Variants in BICD1 observed in about 807,000 individuals in gnomAD.
The protein encoded by BICD1 is BICD cargo adaptor 1.
A neutral mutation model predicts 92.5 loss-of-function variants in BICD1; 35 were observed. That is an observed-to-expected ratio of 0.38 (90% confidence interval 0.29 to 0.50). The LOEUF is 0.50. Among genes scored for constraint, BICD1 ranks in the 20% least tolerant of loss-of-function variants. The pLI is 0.93. For synonymous variants in BICD1, 429 were observed against 465.1 expected (o/e 0.92, Z 1.00); for missense variants, 950 against 1,189.8 (o/e 0.80, Z 2.97).
intron 1 of BICD1, chr12:32,109,283 A>G (rs943594425): frequency 1.3e-5 from 2 of 152,238 alleles, no homozygotes; most frequent in Non-Finnish European, 2.9e-5. Flanking sequence ...GAAATATTTT[A>G]TGAAAGAATC....
At chr12:32,135,386 CTTTTTTTTTTTTTTTTT>C (rs71064999) in intron 1 of BICD1, among the ~76,000 whole-genome samples, 4 of 44,796 alleles carry the variant, frequency 8.9e-5, no homozygotes, top group African/African-American at 3.1e-4. Context: ...CCATGCGTGG[CTTTTTTTTTTTTTTTTT>C]TTTTTTTTTT....
chr12:32,123,992 G>A (rs1942243094), intron 1 of BICD1, among the ~76,000 whole-genome samples: 2 of 152,140 alleles, frequency 1.3e-5, no homozygotes, highest in East Asian at 1.9e-4. Context: ...AAGACACTGC[G>A]CTGACTTGCC....
chr12:32,337,653 C>T lies in BICD1; in HGVS notation c.2407C>T (p.Gln803Ter), dbSNP rs1287045247. 6.2e-7 allele frequency: 1 copy of T among 1,614,178 alleles called. No individual in the cohort carries two copies. The highest frequency in any genetic ancestry group is 1.7e-5 in the Admixed American group (1 of 60,014). Residue 803 changes from glutamine (Q) to a stop codon, truncating the protein, a stop_gained, in exon 7 of 10, where the codon CAG (glutamine) becomes TAG (stop). Transcript: ENST00000652176. LOFTEE classifies it high-confidence loss of function. The surrounding 1 kb of genome is among the most constrained non-coding windows in gnomAD (Gnocchi z 4.7). ...GGAGGACTTAGAGTTTGACCATGAG[C>T]AGTCCCGACGCAGCAAAGGCAAACT... is the stretch of plus-strand genomic sequence containing the variant. ...RLEDLEFDHE[Q>*]SRRSKGKLGK...
At chr12:32,347,241 G>T (rs1378840766) in intron 8 of BICD1, among the ~76,000 whole-genome samples, 1 of 149,420 alleles carries the variant, frequency 6.7e-6, no homozygotes, top group East Asian at 2.0e-4. Context: ...ATGAGCCACT[G>T]CGCCCTGCCC....
chr12:32,346,616 G>A (rs1318703031), intron 8 of BICD1, among the ~76,000 whole-genome samples: 30 of 2,870 alleles, frequency 0.01, 2 homozygotes, highest in Non-Finnish European at 0.013. Flanking sequence ...ATATATACGT[G>A]TATATATATA....
intron 1 of BICD1, among the ~76,000 whole-genome samples, chr12:32,177,394 A>G (rs993332719): frequency 6.6e-6 from 1 of 150,532 alleles, no homozygotes; most frequent in South Asian, 2.1e-4. Context: ...TGATAGGTAT[A>G]ATTTTGAGTT....
At chr12:32,187,109 G>A (rs1370884795) in intron 1 of BICD1, among the ~76,000 whole-genome samples, 1 of 152,102 alleles carries the variant, frequency 6.6e-6, no homozygotes, top group Non-Finnish European at 1.5e-5. Context: ...CTTTAGGTCA[G>A]GTCTTTTCTT....
Position 32,123,118 on chromosome 12 carries a change from GA to G in BICD1, c.213+15580del, listed in dbSNP as rs936224653. Among the ~76,000 whole-genome samples the G allele has an allele frequency of 5.9e-5, 9 of 152,150 alleles. No homozygotes were observed. The South Asian group carries it at 6.2e-4, about 11-fold the overall frequency. ...TAGATCATCCAAAATGCTATGGGGG[GA>G]AAAAACCCTGGGAATAGGGAGATGG... is the stretch of plus-strand genomic sequence containing the variant. On this transcript the variant is annotated intron_variant, in intron 1 of 9. Transcript: ENST00000652176.
At chr12:32,348,368 TTTG>T (rs1309109365) in intron 8 of BICD1, among the ~76,000 whole-genome samples, 1 of 152,174 alleles carries the variant, frequency 6.6e-6, no homozygotes. Context: ...TCTTTTAGAT[TTTG>T]TTAAAATTTT....
At chr12:32,341,396 G>A (rs763450531) in intron 8 of BICD1, among the ~76,000 whole-genome samples, 5 of 150,846 alleles carry the variant, frequency 3.3e-5, no homozygotes, top group African/African-American at 4.9e-5. Flanking sequence ...ACAGGGAGGC[G>A]GAAGTTTCAG....
intron 4 of BICD1, among the ~76,000 whole-genome samples, chr12:32,316,014 T>C (rs964661427): frequency 1.3e-5 from 2 of 151,646 alleles, no homozygotes; most frequent in Non-Finnish European, 2.9e-5. Flanking sequence ...TGTGCGCCTG[T>C]AATCCCAGCT....
At chr12:32,167,120 G>C (rs1297342462) in intron 1 of BICD1, among the ~76,000 whole-genome samples, 1 of 152,108 alleles carries the variant, frequency 6.6e-6, no homozygotes, top group Non-Finnish European at 1.5e-5. Context: ...GGAAGCTTCT[G>C]ATTCTATATT....
chr12:32,220,331 C>T (rs1239596), intron 2 of BICD1, among the ~76,000 whole-genome samples: 49,963 of 151,864 alleles, frequency 0.33, 8,632 homozygotes, highest in Non-Finnish European at 0.39. Context: ...AGAAAATTTT[C>T]GCAACCTACT....
At chr12:32,236,203 G>A (rs1199337402) in intron 2 of BICD1, among the ~76,000 whole-genome samples, 2 of 151,024 alleles carry the variant, frequency 1.3e-5, no homozygotes, top group Admixed American at 1.3e-4. Flanking sequence ...GATCAGCCTG[G>A]CCAACATAGT....
At chr12:32,263,719 C>T (rs1946918943) in intron 2 of BICD1, among the ~76,000 whole-genome samples, 1 of 152,100 alleles carries the variant, frequency 6.6e-6, no homozygotes, top group East Asian at 1.9e-4. Flanking sequence ...ACTCAGAATG[C>T]ATATTTTTCC....
chr12:32,252,603 A>G (rs1946597205), intron 2 of BICD1, among the ~76,000 whole-genome samples: 1 of 152,178 alleles, frequency 6.6e-6, no homozygotes, highest in Non-Finnish European at 1.5e-5. Flanking sequence ...AGCTAGTCTT[A>G]TAAGGGTAAG....
intron 3 of BICD1, among the ~76,000 whole-genome samples, chr12:32,303,782 G>C (rs12304060): frequency 6.6e-6 from 1 of 151,796 alleles, no homozygotes; most frequent in Non-Finnish European, 1.5e-5. Flanking sequence ...TTACATAAGA[G>C]AAAAACCTCT....
At chr12:32,284,674 A>T (rs1016073695) in intron 2 of BICD1, among the ~76,000 whole-genome samples, 1 of 152,194 alleles carries the variant, frequency 6.6e-6, no homozygotes, top group East Asian at 1.9e-4. Context: ...TGTTTTGCTT[A>T]AAAGTCTTTG....
At chr12:32,170,115 T>C (rs559573310) in intron 1 of BICD1, among the ~76,000 whole-genome samples, 22 of 152,324 alleles carry the variant, frequency 1.4e-4, no homozygotes, top group Non-Finnish European at 1.5e-4. Flanking sequence ...AATTCCCTTC[T>C]CTGAGAAGGC....
Sources: gnomAD v4.1 joint callset for allele counts (sites outside exome capture counted in the v4.1 genomes callset) on GRCh38, gnomAD v4.1.1 for gene constraint, Gnocchi (gnomAD v3.1) non-coding constraint, MANE v1.5 for transcripts, NCBI Gene and HGNC (gene_info 2026-07-23, HGNC 2026-07-21) for gene names.